Variants in PAK1 observed in about 807,000 individuals in gnomAD.
The protein encoded by PAK1 is serine/threonine-protein kinase PAK 1.
A neutral mutation model predicts 67.4 loss-of-function variants in PAK1; 29 were observed. That is an observed-to-expected ratio of 0.43 (90% CI 0.32 to 0.59). The LOEUF (loss-of-function observed/expected upper bound fraction) is 0.59, where lower values mean the gene tolerates loss of function less well. Among genes scored for constraint, PAK1 ranks in the 20% least tolerant of loss-of-function variants. The pLI is 0.07. For synonymous variants in PAK1, 223 were observed against 237.4 expected, an observed-to-expected ratio of 0.94 and a Z score of 0.56; for missense variants, 337 against 670.7, an observed-to-expected ratio of 0.50 and a Z score of 5.50.
chr11:77,374,921 C>T (rs991389616), intron 4 of PAK1, among the ~76,000 whole-genome samples: 9 of 152,092 alleles, frequency 5.9e-5, no homozygotes, highest in Admixed American at 3.9e-4. Context: ...ATAAATAGAG[C>T]CTGCAGGACT....
chr11:77,334,127 C>T lies in PAK1; in HGVS notation c.1414-1260G>A, dbSNP rs187790866. ...GAGGTTGCGGTGAGCTGAGATCACACCATTGCACTCCAGCCTAGGTGACAG... is the reference window on the plus strand; with the variant it reads ...GAGGTTGCGGTGAGCTGAGATCACATCATTGCACTCCAGCCTAGGTGACAG... On this transcript the variant is annotated intron_variant, in intron 13 of 14. Coordinates refer to ENST00000356341, the MANE Select transcript of PAK1 (RefSeq NM_002576.5). 5.9e-3 allele frequency among the ~76,000 whole-genome samples: 893 copies of T among 151,500 alleles called. 9 individuals are homozygous for T. Among genetic ancestry groups the T allele is most frequent in the African/African-American group, 0.021 (861 of 41,220 alleles).
intron 14 of PAK1, among the ~76,000 whole-genome samples, chr11:77,332,075 C>T (rs2853097): frequency 2.7e-5 from 4 of 150,930 alleles, no homozygotes; most frequent in Admixed American, 6.6e-5. Context: ...AAGCGAAGTG[C>T]GCAGATCGCT....
the PAK1 span, among the ~76,000 whole-genome samples, chr11:77,503,508 A>C: frequency 6.6e-6 from 1 of 152,200 alleles, no homozygotes; most frequent in African/African-American, 2.4e-5. Context: ...ACCCCAAAGA[A>C]TGTTGTTTAT....
chr11:77,398,461 G>A (rs1952143477), intron 1 of PAK1, among the ~76,000 whole-genome samples: 1 of 152,134 alleles, frequency 6.6e-6, no homozygotes, highest in African/African-American at 2.4e-5. Flanking sequence ...TTTGGTGGCT[G>A]AATAGTACTC....
chr11:77,522,928 C>T, the PAK1 span, among the ~76,000 whole-genome samples: 1 of 152,208 alleles, frequency 6.6e-6, no homozygotes, highest in Non-Finnish European at 1.5e-5. Flanking sequence ...CAGCAGCACA[C>T]ATGGAGCTGG....
chr11:77,447,318 T>C (rs961983233), intron 1 of PAK1, among the ~76,000 whole-genome samples: 7 of 152,172 alleles, frequency 4.6e-5, no homozygotes, highest in South Asian at 4.1e-4. Flanking sequence ...CATTGTCTGA[T>C]TCTATAGCTC....
At chr11:77,517,038 A>C in the PAK1 span, among the ~76,000 whole-genome samples, 1 of 152,030 alleles carries the variant, frequency 6.6e-6, no homozygotes. Context: ...AAACTAACTA[A>C]AGAAAAAATA....
intron 1 of PAK1, among the ~76,000 whole-genome samples, chr11:77,444,229 C>G (rs34971895): frequency 1.3e-5 from 2 of 151,426 alleles, no homozygotes; most frequent in African/African-American, 4.9e-5. Context: ...AATCCAGTTT[C>G]CTTCTTATTC....
chr11:77,517,692 TTACA>T, the PAK1 span, among the ~76,000 whole-genome samples: 6 of 152,212 alleles, frequency 3.9e-5, no homozygotes, highest in African/African-American at 1.4e-4. Context: ...TCTATTATTA[TTACA>T]TTGTAATATG....
intron 1 of PAK1, among the ~76,000 whole-genome samples, chr11:77,426,580 T>A (rs1955556826): frequency 6.6e-6 from 1 of 152,118 alleles, no homozygotes; most frequent in Admixed American, 6.5e-5. Context: ...CTCCAAACAA[T>A]TATAGAATAA....
At chr11:77,507,099 G>C in the PAK1 span, among the ~76,000 whole-genome samples, 4 of 152,220 alleles carry the variant, frequency 2.6e-5, no homozygotes, top group Non-Finnish European at 5.9e-5. Flanking sequence ...TTGGAGGTTA[G>C]GAAATTACAA....
At chr11:77,507,333 T>C in the PAK1 span, among the ~76,000 whole-genome samples, 7 of 152,174 alleles carry the variant, frequency 4.6e-5, no homozygotes, top group Admixed American at 1.3e-4. Flanking sequence ...CACGGGGTCC[T>C]CTGGTCTACG....
chr11:77,408,061 G>A (rs1004152485), intron 1 of PAK1: 3 of 152,204 alleles, frequency 2.0e-5, no homozygotes, highest in Non-Finnish European at 2.9e-5. Flanking sequence ...GAAGACTTAA[G>A]TTTAGGTCCT....
chr11:77,390,952 C>T (rs1951064027), intron 2 of PAK1, among the ~76,000 whole-genome samples: 1 of 152,186 alleles, frequency 6.6e-6, no homozygotes, highest in Non-Finnish European at 1.5e-5. Flanking sequence ...ATGAGATCTG[C>T]TTATAAGACA....
chr11:77,364,592 T>A (rs533304262), intron 5 of PAK1, among the ~76,000 whole-genome samples: 1 of 152,246 alleles, frequency 6.6e-6, no homozygotes, highest in Admixed American at 6.5e-5. Context: ...GAGGGGGCTA[T>A]CAGTATCCAG....
intron 13 of PAK1, among the ~76,000 whole-genome samples, chr11:77,335,085 C>T (rs1420088027): frequency 6.6e-6 from 1 of 152,168 alleles, no homozygotes; most frequent in Non-Finnish European, 1.5e-5. Flanking sequence ...CTCCAAGACA[C>T]TTCTCTGTTC....
At chr11:77,490,982 C>G in the PAK1 span, among the ~76,000 whole-genome samples, 1 of 152,096 alleles carries the variant, frequency 6.6e-6, no homozygotes, top group African/African-American at 2.4e-5. Flanking sequence ...CCCAGGGACA[C>G]AAACACTGCG....
intron 1 of PAK1, among the ~76,000 whole-genome samples, chr11:77,407,585 A>G (rs1047555975): frequency 6.6e-6 from 1 of 152,234 alleles, no homozygotes; most frequent in Non-Finnish European, 1.5e-5. Flanking sequence ...CACTTTACAA[A>G]GCATTTTCAC....
At chr11:77,462,424 C>A (rs1188982696) in intron 1 of PAK1, among the ~76,000 whole-genome samples, 1 of 152,112 alleles carries the variant, frequency 6.6e-6, no homozygotes, top group Non-Finnish European at 1.5e-5. Flanking sequence ...GGCAGCTACA[C>A]ATTTAGCACA....
Sources: allele counts gnomAD v4.1 joint callset (sites outside exome capture counted in the v4.1 genomes callset), GRCh38; gene constraint gnomAD v4.1.1; transcripts MANE v1.5; gene names NCBI Gene and HGNC (gene_info 2026-07-23, HGNC 2026-07-21).